The following LRRC75B variants were observed in gnomAD, a reference collection of about 807,000 sequenced individuals.
LRRC75B encodes leucine-rich repeat-containing protein 75B.
Under a neutral mutation model 16.5 loss-of-function variants are expected in LRRC75B, and 20 were observed. The ratio of observed to expected loss-of-function variants is 1.21; its 90% CI spans 0.85 to 1.76. The LOEUF (loss-of-function observed/expected upper bound fraction) is 1.76, where lower values mean the gene tolerates loss of function less well. Ranked by LOEUF, LRRC75B falls within the 40% of genes most tolerant of loss-of-function variation. The pLI is 0.00. For synonymous variants in LRRC75B, 199 were observed against 198.1 expected (o/e 1.00, Z -0.04); for missense variants, 406 against 417.0 (o/e 0.97, Z 0.23).
At chr22:24,592,687 C>A (rs377091098) in intron 1 of LRRC75B, 176 bp downstream of exon 1, 2 of 1,179,240 alleles carry the variant, frequency 1.7e-6, no homozygotes, top group Admixed American at 6.9e-5. Context: ...CACGCAAGAC[C>A]CCGCGTGCTG....
intron 3 of LRRC75B, 81 bp from the exon 4 acceptor site, chr22:24,586,492 C>A (rs1024796015): frequency 7.1e-7 from 1 of 1,398,974 alleles, no homozygotes; most frequent in African/African-American, 1.4e-5. Context: ...CTGTCGGGAA[C>A]AGCCCAGGCC....
At chr22:24,587,142 A>C (rs16978739) in intron 3 of LRRC75B, among the ~76,000 whole-genome samples, 8,563 of 152,004 alleles carry the variant, frequency 0.056, 834 homozygotes, top group African/African-American at 0.19. Flanking sequence ...GCCCCTTCTG[A>C]TGTCGATTCT....
At chr22:24,592,706 C>G in intron 1 of LRRC75B, 157 bp downstream of exon 1, 2 of 1,259,622 alleles carry the variant, frequency 1.6e-6, no homozygotes, top group East Asian at 6.7e-5. Flanking sequence ...TGCAGCCTGT[C>G]GCGCCCTCGG....
chr22:24,592,117 G>A (rs2045586407), intron 1 of LRRC75B: 2 of 367,730 alleles, frequency 5.4e-6, no homozygotes, highest in South Asian at 3.9e-5. Context: ...AGCTGCTGTA[G>A]GGGGTGGGGA....
chr22:24,588,713 G>A, intron 2 of LRRC75B: 1 of 1,076,524 alleles, frequency 9.3e-7, no homozygotes, highest in Non-Finnish European at 1.1e-6. Flanking sequence ...GCCCCTCGAG[G>A]GAGCCGTGCT....
At chr22:24,586,434 G>A in intron 3 of LRRC75B, 23 bp from the exon 4 acceptor site, 4 of 1,591,710 alleles carry the variant, frequency 2.5e-6, no homozygotes, top group Non-Finnish European at 3.4e-6. Flanking sequence ...GGCAGGTGGG[G>A]ATGGACTAGG....
At chr22:24,587,460 G>A (rs1356917027) in intron 3 of LRRC75B, among the ~76,000 whole-genome samples, 8 of 152,238 alleles carry the variant, frequency 5.3e-5, no homozygotes, top group Non-Finnish European at 1.0e-4. Context: ...ACCAGCCATG[G>A]CAGGGAACAA....
At chr22:24,591,889 T>C (rs2045578057) in intron 1 of LRRC75B, among the ~76,000 whole-genome samples, 1 of 152,114 alleles carries the variant, frequency 6.6e-6, no homozygotes, top group Non-Finnish European at 1.5e-5. Context: ...AACGGACAGC[T>C]CCATTTTTCC....
chr22:24,592,122 T>G (rs1314057226), intron 1 of LRRC75B: 2 of 364,698 alleles, frequency 5.5e-6, no homozygotes, highest in Non-Finnish European at 5.5e-6. Flanking sequence ...CTGTAGGGGG[T>G]GGGGACGGGG....
intron 2 of LRRC75B, chr22:24,589,452 G>T: frequency 1.2e-6 from 1 of 840,482 alleles, no homozygotes; most frequent in Non-Finnish European, 1.5e-6. Context: ...GGAATTCAGA[G>T]GCTAGGAGTT....
rs866475760 is a variant in LRRC75B at position 24,585,841 on chromosome 22, T to A, written c.*45A>T. On this transcript the variant is annotated 3_prime_UTR_variant, in exon 4 of 4. Transcript: ENST00000318753. ...CCTTCATCGCCCACTATCATGTGCT[T>A]GAGAGCATCACAAGTCAGTAGCAAT... 6.7e-7 allele frequency: 1 copy of A among 1,502,434 alleles called. No homozygotes were observed. The highest frequency in any genetic ancestry group is 1.3e-5 in the South Asian group (1 of 79,108). The allele number at this position is 1,502,434 out of a possible 1,614,324, so 93.1% of individuals were successfully genotyped here.
At position 24,589,940 on chromosome 22, in the gene LRRC75B, G is replaced by C. The variant is rs1405656400; in HGVS notation, c.187C>G (p.Leu63Val). 1 of 1,600,408 alleles carries C rather than the reference G, an allele frequency of 6.2e-7. No homozygotes were observed. Among genetic ancestry groups the C allele is most frequent in the Non-Finnish European group, 8.5e-7 (1 of 1,173,514 alleles). ...LLRLLRQDLG[L>V]ERTLLPDILY... ...ATATCAGGAAGGAGGGTCCTCTCAA[G>C]GCCCAGGTCCTGTGAGTGGTGAAGA... Residue 63 changes from leucine to valine, a missense_variant, in exon 2 of 4, where the codon CTT becomes GTT. By Grantham distance (32) the Leu-to-Val change is conservative (BLOSUM62 1). Transcript: ENST00000318753.
In LRRC75B at chr22:24,586,335, C is replaced by A; in HGVS notation, c.499G>T (p.Asp167Tyr). The change falls in exon 4 of 4, where the codon GAC becomes TAC. Residue 167 changes from aspartate (D) to tyrosine (Y), a missense_variant. Physicochemically the swap from Asp to Tyr is radical, Grantham distance 160. Coordinates refer to ENST00000318753, the MANE Select transcript of LRRC75B (RefSeq NM_207644.3). ...AGGTAGCGTGTGATGTGTTGCACGT[C>A]CTGTGTCGACAGCGGGATGCCTGAG... Reference protein sequence around the residue: ...DLSGIPLSTQDVQHITRYLSS... With the variant: ...DLSGIPLSTQYVQHITRYLSS... 1 of 1,613,960 alleles carries A rather than the reference C, an allele frequency of 6.2e-7. No homozygotes were observed. The highest frequency in any genetic ancestry group is 1.3e-5 in the African/African-American group (1 of 75,068).
At chr22:24,591,981 C>T (rs1053228788) in intron 1 of LRRC75B, among the ~76,000 whole-genome samples, 1 of 152,246 alleles carries the variant, frequency 6.6e-6, no homozygotes, top group African/African-American at 2.4e-5. Context: ...CCCACATTTT[C>T]TCTGTGGGCC....
rs369810020 is a variant in LRRC75B at position 24,586,237 on chromosome 22, G to A, written c.597C>T (p.Leu199=). The change falls in exon 4 of 4, where the codon CTC becomes CTT. Residue 199 remains leucine (L), a synonymous_variant. Transcript: ENST00000318753. ...FTGLSDELLH[L]LLPSLWALPR... is the part of the protein sequence containing the mutation. ...GCAGCGCCCACAGGCTGGGCAGCAG[G>A]AGGTGCAGCAGCTCATCACTCAGCC... is the stretch of plus-strand genomic sequence containing the variant. The A allele has an allele frequency of 7.4e-6, 12 of 1,613,652 alleles. No individual in the cohort carries two copies. The highest frequency in any genetic ancestry group is 2.2e-5 in the East Asian group (1 of 44,896).
intron 2 of LRRC75B, chr22:24,589,205 G>T: frequency 2.4e-6 from 3 of 1,244,440 alleles, no homozygotes; most frequent in Non-Finnish European, 3.1e-6. Flanking sequence ...CACATCCTGG[G>T]GCTGTGTCGA....
chr22:24,586,651 C>G (rs2045403311), intron 3 of LRRC75B, among the ~76,000 whole-genome samples: 1 of 152,264 alleles, frequency 6.6e-6, no homozygotes, highest in South Asian at 2.1e-4. Context: ...CCTGCTTCAG[C>G]CTCCCAAGTA....
chr22:24,588,454 T>C, intron 2 of LRRC75B, 125 bp from the exon 3 acceptor site: 2 of 816,004 alleles, frequency 2.5e-6, no homozygotes, highest in Non-Finnish European at 3.9e-6. Flanking sequence ...CATCACCGAG[T>C]TGCCCACCAG....
intron 1 of LRRC75B, 22 bp from the exon 2 acceptor site, chr22:24,589,971 T>A: frequency 6.4e-7 from 1 of 1,562,834 alleles, no homozygotes; most frequent in South Asian, 1.2e-5. Flanking sequence ...GAAGAGAGAG[T>A]TGAGTGAGCC....
Sources: gnomAD v4.1 joint callset for allele counts (sites outside exome capture counted in the v4.1 genomes callset) on GRCh38, gnomAD v4.1.1 for gene constraint, MANE v1.5 for transcripts, NCBI Gene and HGNC (gene_info 2026-07-23, HGNC 2026-07-21) for gene names.